GULP1: variants seen among roughly 807,000 people sequenced by gnomAD.
The protein encoded by GULP1 is GULP PTB domain containing engulfment adaptor 1.
Under a neutral mutation model 40.9 loss-of-function variants are expected in GULP1, and 19 were observed. That is an observed-to-expected ratio of 0.46 (90% CI 0.32 to 0.68). GULP1 has a LOEUF of 0.68. Ranked by LOEUF, GULP1 falls within the 30% of genes least tolerant of loss-of-function variation. The probability of loss-of-function intolerance (pLI) is 0.03; values close to 1 mark genes in which losing one functional copy is unlikely to be tolerated. For missense variants in GULP1, 312 were observed against 362.2 expected (o/e 0.86, Z 1.12); for synonymous variants, 119 against 117.6 (o/e 1.01, Z -0.08).
Position 188,587,903 on chromosome 2 carries a change from C to A in GULP1, c.797C>A (p.Ala266Glu), listed in dbSNP as rs757867674. ...AEPFDPFNCG[A>E]ADFPPDIQSK... ...CCTTTTGACCCATTTAACTGTGGAG[C>A]AGCAGATTTCCCTCCAGATATTCAA... Residue 266 changes from alanine (A) to glutamate (E), a missense_variant, in exon 11 of 12, where the codon GCA becomes GAA. Ala to Glu is a moderately radical substitution (Grantham distance 107). Transcript: ENST00000409830. 1.2e-6 allele frequency: 2 copies of A among 1,609,998 alleles called. No individual in the cohort carries two copies. The highest frequency in any genetic ancestry group is 1.1e-5 in the South Asian group (1 of 90,988).
intron 1 of GULP1, among the ~76,000 whole-genome samples, chr2:188,363,632 A>G (rs1406993200): frequency 6.6e-6 from 1 of 152,156 alleles, no homozygotes; most frequent in Non-Finnish European, 1.5e-5. Flanking sequence ...TAATGGAATG[A>G]AGACGAAGGT....
intron 1 of GULP1, among the ~76,000 whole-genome samples, chr2:188,312,774 G>C (rs918585023): frequency 2.0e-5 from 3 of 152,162 alleles, no homozygotes; most frequent in African/African-American, 7.2e-5. Context: ...CACTGTAAAA[G>C]CGTTCCTAAT....
At chr2:188,509,054 G>T (rs1559324351) in intron 4 of GULP1, among the ~76,000 whole-genome samples, 1 of 151,998 alleles carries the variant, frequency 6.6e-6, no homozygotes, top group Non-Finnish European at 1.5e-5. Context: ...TATTTGCATA[G>T]TTCCACCAAG....
At chr2:188,463,398 A>G (rs891960106) in intron 2 of GULP1, among the ~76,000 whole-genome samples, 1 of 151,986 alleles carries the variant, frequency 6.6e-6, no homozygotes, top group African/African-American at 2.4e-5. Context: ...TTGGAACTCA[A>G]TTTTCTGTTA....
chr2:188,525,347 C>T (rs986776446), intron 5 of GULP1, among the ~76,000 whole-genome samples: 1 of 151,932 alleles, frequency 6.6e-6, no homozygotes, highest in Non-Finnish European at 1.5e-5. Context: ...GCCGCGATCG[C>T]GCCATTGCAC....
chr2:188,302,993 G>A (rs2036412028), intron 1 of GULP1, among the ~76,000 whole-genome samples: 1 of 152,104 alleles, frequency 6.6e-6, no homozygotes, highest in Admixed American at 6.6e-5. Context: ...AAACCCCATT[G>A]CAATGGTCCC....
chr2:188,481,425 C>T (rs1011419442), intron 3 of GULP1, among the ~76,000 whole-genome samples: 33 of 151,828 alleles, frequency 2.2e-4, no homozygotes, highest in Admixed American at 1.4e-3. Context: ...ACTGCTCATA[C>T]CTGAGGATAT....
intron 6 of GULP1, among the ~76,000 whole-genome samples, chr2:188,540,796 A>C (rs539194237): frequency 3.3e-5 from 5 of 152,168 alleles, no homozygotes; most frequent in Non-Finnish European, 7.4e-5. Context: ...GGTTTAAAAG[A>C]GTTCTGGTAA....
At chr2:188,524,606 T>A (rs180800618) in intron 5 of GULP1, among the ~76,000 whole-genome samples, 4,964 of 96,946 alleles carry the variant, frequency 0.051, 225 homozygotes, top group African/African-American at 0.14. Context: ...ATATATATAT[T>A]TTTTTTTTGC....
At chr2:188,372,947 A>T (rs2047798616) in intron 1 of GULP1, among the ~76,000 whole-genome samples, 1 of 152,022 alleles carries the variant, frequency 6.6e-6, no homozygotes, top group Non-Finnish European at 1.5e-5. Context: ...TCTGCGTTTT[A>T]TCCTTCTATC....
At chr2:188,556,184 A>G (rs1402946008) in intron 7 of GULP1, among the ~76,000 whole-genome samples, 1 of 152,168 alleles carries the variant, frequency 6.6e-6, no homozygotes, top group Non-Finnish European at 1.5e-5. Context: ...AATTTTCAGT[A>G]ATTTTAAGGT....
intron 1 of GULP1, among the ~76,000 whole-genome samples, chr2:188,369,414 C>T (rs2047305087): frequency 6.6e-6 from 1 of 151,878 alleles, no homozygotes; most frequent in Non-Finnish European, 1.5e-5. Flanking sequence ...TCACTCACCT[C>T]AGAAAGGCTA....
intron 4 of GULP1, among the ~76,000 whole-genome samples, chr2:188,519,790 T>C (rs528102457): frequency 2.0e-5 from 3 of 152,250 alleles, no homozygotes; most frequent in Admixed American, 6.5e-5. Flanking sequence ...AATAAGATTA[T>C]AGCTTCCAAT....
intron 2 of GULP1, among the ~76,000 whole-genome samples, chr2:188,425,771 G>T (rs1490836270): frequency 6.6e-6 from 1 of 151,856 alleles, no homozygotes; most frequent in Non-Finnish European, 1.5e-5. Flanking sequence ...ATTTCTTTTT[G>T]TCTTCATGAT....
intron 9 of GULP1, chr2:188,582,589 T>C (rs1559404762): frequency 6.6e-6 from 3 of 452,854 alleles, no homozygotes; most frequent in Non-Finnish European, 1.4e-5. Context: ...CAGATAATTC[T>C]TTTTTATTAT....
At chr2:188,424,433 A>T (rs999584407) in intron 2 of GULP1, among the ~76,000 whole-genome samples, 1 of 151,952 alleles carries the variant, frequency 6.6e-6, no homozygotes, top group African/African-American at 2.4e-5. Context: ...GTTCATGTAT[A>T]TGCTCATTTT....
intron 11 of GULP1, chr2:188,589,957 A>G (rs115227942): frequency 0.03 from 9,206 of 311,718 alleles, 824 homozygotes; most frequent in African/African-American, 0.19. Flanking sequence ...TGTTCACTTC[A>G]TTGTTTCCTT....
At chr2:188,418,615 A>G (rs2054918093) in intron 2 of GULP1, among the ~76,000 whole-genome samples, 3 of 152,226 alleles carry the variant, frequency 2.0e-5, no homozygotes, top group Non-Finnish European at 4.4e-5. Context: ...CCTGGGGAAT[A>G]GAGCCAGACA....
At chr2:188,541,807 G>A (rs1690569947) in intron 7 of GULP1, 1 of 168,560 alleles carries the variant, frequency 5.9e-6, no homozygotes, top group Non-Finnish European at 1.3e-5. Flanking sequence ...AGTTCCTTAT[G>A]TTCATTGTAT....
Sources: allele counts gnomAD v4.1 joint callset (sites outside exome capture counted in the v4.1 genomes callset), GRCh38; gene constraint gnomAD v4.1.1; transcripts MANE v1.5; gene names NCBI Gene and HGNC (gene_info 2026-07-23, HGNC 2026-07-21).